The following MET variants were observed in gnomAD, a reference collection of about 807,000 sequenced individuals.
MET encodes the protein hepatocyte growth factor receptor.
A neutral mutation model predicts 133.1 loss-of-function variants in MET; 48 were observed. The observed-to-expected ratio is 0.36, with a 90% CI of 0.29 to 0.46. The LOEUF is 0.46. MET is among the 20% of genes least tolerant of loss of function. The pLI is 1.00. For missense variants in MET, 1,442 were observed against 1,695.9 expected (o/e 0.85, Z 2.63); for synonymous variants, 628 against 616.5 (o/e 1.02, Z -0.28).
intron 4 of MET, 161 bp downstream of exon 4, chr7:116,740,245 G>T: frequency 1.2e-6 from 1 of 827,916 alleles, no homozygotes; most frequent in Non-Finnish European, 2.0e-6. Context: ...CTGAAATCTA[G>T]TTAATTTGTT....
At chr7:116,673,446 T>C (rs1159412295) in intron 1 of MET, among the ~76,000 whole-genome samples, 1 of 152,220 alleles carries the variant, frequency 6.6e-6, no homozygotes, top group Admixed American at 6.5e-5. Context: ...CTTTAATTGC[T>C]ATGTTAAGAT....
intron 11 of MET, 93 bp from the exon 12 acceptor site, chr7:116,769,552 G>A (rs1794761081): frequency 2.7e-6 from 4 of 1,481,162 alleles, no homozygotes; most frequent in Middle Eastern, 3.9e-4. Context: ...AACATGGCCT[G>A]TGTTTGCAGT....
At chr7:116,683,431 A>G (rs983894994) in intron 1 of MET, among the ~76,000 whole-genome samples, 6 of 152,056 alleles carry the variant, frequency 3.9e-5, no homozygotes, top group Non-Finnish European at 5.9e-5. Flanking sequence ...TGGCTTCTCT[A>G]TTTTTCATTC....
intron 5 of MET, among the ~76,000 whole-genome samples, chr7:116,741,332 A>G (rs2116841714): frequency 6.6e-6 from 1 of 152,250 alleles, no homozygotes; most frequent in Admixed American, 6.5e-5. Flanking sequence ...TGTGAATAAA[A>G]GAGTGGTGGT....
At chr7:116,730,648 A>G (rs1792967542) in intron 2 of MET, among the ~76,000 whole-genome samples, 1 of 151,944 alleles carries the variant, frequency 6.6e-6, no homozygotes. Flanking sequence ...AATTGTTGGG[A>G]ATTGGTGATG....
intron 2 of MET, among the ~76,000 whole-genome samples, chr7:116,715,281 T>C (rs1792149289): frequency 6.6e-6 from 1 of 152,216 alleles, no homozygotes; most frequent in Admixed American, 6.5e-5. Context: ...AATCAAGGCA[T>C]CAGCCAGGGC....
intron 19 of MET, among the ~76,000 whole-genome samples, chr7:116,790,232 A>G (rs1795442169): frequency 6.6e-6 from 1 of 152,124 alleles, no homozygotes; most frequent in Non-Finnish European, 1.5e-5. Context: ...GAACTTTTTC[A>G]TCTTAGCAAA....
rs2116956056 is a variant in MET, at chr7:116,763,177, T to C, written c.2492T>C (p.Phe831Ser). The change falls in exon 11 of 21, where the codon TTT (phenylalanine) becomes TCT (serine). Residue 831 changes from phenylalanine (F) to serine (S), a missense_variant. By Grantham distance (155) the Phe-to-Ser change is radical (BLOSUM62 -2). Around this residue, in one of 6 missense-constraint regions of MET, gnomAD observed 514 missense variants for 659.6 expected, o/e 0.78. Transcript: ENST00000397752. ...TTAGATGGGATCCTTTCCAAATACT[T>C]TGATCTCATTTATGTACATAATCCT... ...FMLDGILSKY[F>S]DLIYVHNPVF... 6.2e-7 allele frequency: 1 copy of C among 1,614,086 alleles called. No homozygotes were observed. Among genetic ancestry groups the C allele is most frequent in the South Asian group, 1.1e-5 (1 of 91,082 alleles).
chr7:116,714,884 T>C (rs1285344428), intron 2 of MET, among the ~76,000 whole-genome samples: 1 of 152,030 alleles, frequency 6.6e-6, no homozygotes, highest in Non-Finnish European at 1.5e-5. Flanking sequence ...AAAATAATAG[T>C]GGACAGATAA....
intron 5 of MET, 81 bp downstream of exon 5, chr7:116,741,106 GT>G: frequency 2.9e-6 from 4 of 1,382,896 alleles, no homozygotes; most frequent in South Asian, 1.6e-5. Flanking sequence ...TTTGTTTTTT[GT>G]TTTTTTAGAT....
intron 1 of MET, among the ~76,000 whole-genome samples, chr7:116,698,595 A>G (rs914839688): frequency 2.0e-5 from 3 of 152,242 alleles, no homozygotes; most frequent in Non-Finnish European, 4.4e-5. Context: ...GTAATTCTAC[A>G]TGCGCTCAAG....
At chr7:116,746,100 C>G (rs1030266080) in intron 5 of MET, among the ~76,000 whole-genome samples, 3 of 152,170 alleles carry the variant, frequency 2.0e-5, no homozygotes, top group Admixed American at 2.0e-4. Context: ...TCTAACAACC[C>G]CATCAACAAG....
intron 3 of MET, among the ~76,000 whole-genome samples, chr7:116,739,397 A>G (rs918337574): frequency 2.2e-4 from 34 of 151,444 alleles, no homozygotes; most frequent in African/African-American, 6.6e-4. Flanking sequence ...ACAGTGGTTT[A>G]TAAAAAAATA....
At chr7:116,785,509 C>T (rs1042609132) in intron 19 of MET, among the ~76,000 whole-genome samples, 11 of 152,162 alleles carry the variant, frequency 7.2e-5, no homozygotes, top group Non-Finnish European at 1.5e-4. Context: ...ACCAGATCTC[C>T]GTAGAATTCT....
chr7:116,770,765 G>A (rs566450176), intron 12 of MET, among the ~76,000 whole-genome samples: 22 of 152,094 alleles, frequency 1.4e-4, no homozygotes, highest in Admixed American at 5.9e-4. Flanking sequence ...AGCCTGTGTC[G>A]GTACTTCATT....
At position 116,700,152 on chromosome 7, in the gene MET, A is replaced by G. The variant is rs934426317; in HGVS notation, c.1068A>G (p.Pro356=). Residue 356 remains proline (P), a synonymous_variant, in exon 2 of 21, where the codon CCA becomes CCG. Coordinates refer to ENST00000397752, the MANE Select transcript of MET (RefSeq NM_000245.4). ...AAAGCAAGCCAGATTCTGCCGAACC[A>G]ATGGATCGATCTGCCATGTGTGCAT... ...FAQSKPDSAE[P]MDRSAMCAFP... 13 of 1,595,852 alleles carry G rather than the reference A, an allele frequency of 8.1e-6. No homozygotes were observed. The highest frequency in any genetic ancestry group is 1.1e-5 in the Non-Finnish European group (13 of 1,171,800).
chr7:116,795,856 C>T (rs2117110006), intron 20 of MET, 31 bp from the exon 21 acceptor site: 1 of 1,614,176 alleles, frequency 6.2e-7, no homozygotes, highest in Non-Finnish European at 8.5e-7. Flanking sequence ...TTCAAAGGGT[C>T]TCTTACAGCA....
At chr7:116,687,328 A>G (rs1796597917) in intron 1 of MET, among the ~76,000 whole-genome samples, 1 of 152,170 alleles carries the variant, frequency 6.6e-6, no homozygotes, top group Non-Finnish European at 1.5e-5. Context: ...TGGATTCTGT[A>G]CTTATTTTTC....
chr7:116,711,086 A>G (rs1158855385), intron 2 of MET, among the ~76,000 whole-genome samples: 1 of 152,224 alleles, frequency 6.6e-6, no homozygotes. Context: ...CTGGCCAATT[A>G]TTTTAATAAC....
Sources: gnomAD v4.1 joint callset for allele counts (sites outside exome capture counted in the v4.1 genomes callset) on GRCh38, gnomAD v4.1.1 for gene constraint, gnomAD v4.1.1 regional missense constraint, MANE v1.5 for transcripts, NCBI Gene and HGNC (gene_info 2026-07-23, HGNC 2026-07-21) for gene names.